Variants in CLDN16 observed in about 807,000 individuals in gnomAD.
The protein encoded by CLDN16 is claudin 16.
In CLDN16, 13 loss-of-function variants were observed where a neutral mutation model predicts 24.6. That is an observed-to-expected ratio of 0.53 (90% CI 0.34 to 0.84). CLDN16 has a LOEUF of 0.84. CLDN16 is among the 40% of genes least tolerant of loss of function. The pLI is 0.01. For missense variants in CLDN16, 298 were observed against 292.7 expected (o/e 1.02, Z -0.13); for synonymous variants, 116 against 106.7 (o/e 1.09, Z -0.54).
the CLDN16 span, chr3:190,310,191 G>A: frequency 3.7e-6 from 6 of 1,613,652 alleles, no homozygotes; most frequent in African/African-American, 2.7e-5. Context: ...GGGGTCATAG[G>A]GTCATAGAAT....
At chr3:190,329,920 A>G (rs1717145835) in intron 1 of CLDN16, among the ~76,000 whole-genome samples, 1 of 152,142 alleles carries the variant, frequency 6.6e-6, no homozygotes, top group Admixed American at 6.6e-5. Context: ...TTGAAAGAAA[A>G]ACAGGAAAAG....
intron 1 of CLDN16, among the ~76,000 whole-genome samples, chr3:190,354,105 T>G (rs1717720156): frequency 6.6e-6 from 1 of 152,020 alleles, no homozygotes; most frequent in African/African-American, 2.4e-5. Context: ...GTTGCCTTCT[T>G]CTATGTCTGT....
chr3:190,342,688 A>G (rs750853817), intron 1 of CLDN16, among the ~76,000 whole-genome samples: 1 of 152,244 alleles, frequency 6.6e-6, no homozygotes, highest in Non-Finnish European at 1.5e-5. Flanking sequence ...AATTTTCACC[A>G]TAGATACCAA....
At chr3:190,354,624 T>C (rs558590619) in intron 1 of CLDN16, among the ~76,000 whole-genome samples, 1 of 152,004 alleles carries the variant, frequency 6.6e-6, no homozygotes, top group South Asian at 2.1e-4. Flanking sequence ...GTGGTGCAAA[T>C]TGGGCAAAAT....
chr3:190,367,644 GA>G (rs1478558404), intron 1 of CLDN16, among the ~76,000 whole-genome samples: 1 of 151,880 alleles, frequency 6.6e-6, no homozygotes, highest in Non-Finnish European at 1.5e-5. Flanking sequence ...CTTTATTATG[GA>G]AAATGAAACC....
At chr3:190,376,988 A>G (rs1718261482) in intron 3 of CLDN16, among the ~76,000 whole-genome samples, 1 of 151,956 alleles carries the variant, frequency 6.6e-6, no homozygotes. Flanking sequence ...ACCTGAGTCT[A>G]GACAGAGGCA....
At chr3:190,366,169 C>G (rs1718017677) in intron 1 of CLDN16, among the ~76,000 whole-genome samples, 1 of 151,874 alleles carries the variant, frequency 6.6e-6, no homozygotes, top group South Asian at 2.1e-4. Flanking sequence ...TGTATGCCGC[C>G]TCTGACATTT....
At chr3:190,311,902 T>C in the CLDN16 span, among the ~76,000 whole-genome samples, 1 of 151,970 alleles carries the variant, frequency 6.6e-6, no homozygotes, top group Non-Finnish European at 1.5e-5. Context: ...TGACACATAA[T>C]GTAACTTATC....
At chr3:190,369,052 C>T (rs1019079823) in intron 1 of CLDN16, among the ~76,000 whole-genome samples, 5 of 151,934 alleles carry the variant, frequency 3.3e-5, no homozygotes, top group Non-Finnish European at 5.9e-5. Context: ...TAGATCTTAA[C>T]CTGATTAGCC....
intron 2 of CLDN16, among the ~76,000 whole-genome samples, chr3:190,374,242 C>G (rs1718200710): frequency 1.3e-5 from 2 of 149,804 alleles, no homozygotes; most frequent in African/African-American, 4.9e-5. Context: ...TTGGTTTTCT[C>G]TATTTTCCTT....
the CLDN16 span, among the ~76,000 whole-genome samples, chr3:190,310,746 A>G: frequency 1.3e-5 from 2 of 152,176 alleles, no homozygotes; most frequent in African/African-American, 2.4e-5. Flanking sequence ...ATGTCTCAGA[A>G]TGGACCAGAA....
intron 1 of CLDN16, among the ~76,000 whole-genome samples, chr3:190,360,753 A>G (rs1321438708): frequency 6.7e-6 from 1 of 148,986 alleles, no homozygotes; most frequent in Non-Finnish European, 1.5e-5. Flanking sequence ...CTCTATTGCC[A>G]TTTTGTCTAT....
chr3:190,363,541 CGT>C (rs202074908), intron 1 of CLDN16, among the ~76,000 whole-genome samples: 1,718 of 16,836 alleles, frequency 0.1, 159 homozygotes, highest in East Asian at 0.23. Context: ...AGTTGCTGTG[CGT>C]GTGTGTGTGT....
At chr3:190,344,890 T>C (rs574798872) in intron 1 of CLDN16, among the ~76,000 whole-genome samples, 2 of 152,236 alleles carry the variant, frequency 1.3e-5, no homozygotes, top group Admixed American at 6.5e-5. Flanking sequence ...GGTAGCTGTA[T>C]TTTCACACAG....
chr3:190,367,302 ATCTT>A (rs1718044474), intron 1 of CLDN16, among the ~76,000 whole-genome samples: 1 of 151,992 alleles, frequency 6.6e-6, no homozygotes, highest in Admixed American at 6.6e-5. Context: ...TCATGAAACA[ATCTT>A]TCTATTTTGT....
upstream of CLDN16, chr3:190,322,090 G>A (rs768443254): frequency 6.2e-7 from 1 of 1,614,232 alleles, no homozygotes. Flanking sequence ...CGGTCACGAT[G>A]TTGTCGCCGG....
At chr3:190,342,278 A>T (rs139272004) in intron 1 of CLDN16, among the ~76,000 whole-genome samples, 1 of 151,136 alleles carries the variant, frequency 6.6e-6, no homozygotes, top group African/African-American at 2.5e-5. Context: ...AAAGAGGTTT[A>T]TTGGACTTAC....
chr3:190,392,284 C>A (rs896895929), intron 1 of CLDN16, among the ~76,000 whole-genome samples: 6 of 151,824 alleles, frequency 4.0e-5, no homozygotes, highest in Non-Finnish European at 7.4e-5. Flanking sequence ...CTTCTTTATT[C>A]CCCCTCTCTC....
chr3:190,395,860 A>T (rs1395284579), intron 1 of CLDN16, among the ~76,000 whole-genome samples: 1 of 152,064 alleles, frequency 6.6e-6, no homozygotes, highest in African/African-American at 2.4e-5. Flanking sequence ...TGCTGTGTAT[A>T]TTTACTCTCT....
Sources: gnomAD v4.1 joint callset for allele counts (sites outside exome capture counted in the v4.1 genomes callset) on GRCh38, gnomAD v4.1.1 for gene constraint, MANE v1.5 for transcripts, NCBI Gene and HGNC (gene_info 2026-07-23, HGNC 2026-07-21) for gene names.